Variants in TBC1D5 observed in about 807,000 individuals in gnomAD.
The protein encoded by TBC1D5 is TBC1 domain family, member 5.
Under a neutral mutation model 100.3 loss-of-function variants are expected in TBC1D5, and 75 were observed. That is an observed-to-expected ratio of 0.75 (90% confidence interval 0.62 to 0.91). The LOEUF is 0.91. TBC1D5 is among the 40% of genes least tolerant of loss of function. The probability of loss-of-function intolerance (pLI) is 0.00; values close to 1 mark genes in which losing one functional copy is unlikely to be tolerated. For synonymous variants in TBC1D5, 323 were observed against 325.6 expected, an observed-to-expected ratio of 0.99 and a Z score of 0.09; for missense variants, 910 against 942.4, an observed-to-expected ratio of 0.97 and a Z score of 0.45.
chr3:17,600,518 A>C (rs1391030465), intron 2 of TBC1D5, among the ~76,000 whole-genome samples: 1 of 152,194 alleles, frequency 6.6e-6, no homozygotes, highest in African/African-American at 2.4e-5. Flanking sequence ...CAAGATTATT[A>C]CTATGGTCTC....
intron 3 of TBC1D5, among the ~76,000 whole-genome samples, chr3:17,497,383 T>C (rs967722172): frequency 2.0e-5 from 3 of 152,272 alleles, no homozygotes; most frequent in Non-Finnish European, 2.9e-5. Flanking sequence ...GCAAGTGGTC[T>C]ACTTTTTCAA....
intron 7 of TBC1D5, 118 bp downstream of exon 7, chr3:17,404,576 T>A: frequency 2.3e-6 from 2 of 866,966 alleles, no homozygotes; most frequent in Non-Finnish European, 3.5e-6. Context: ...GTACTGTATG[T>A]GGAATAAAGA....
chr3:17,329,603 G>A (rs1433036376), intron 13 of TBC1D5, among the ~76,000 whole-genome samples: 1 of 152,172 alleles, frequency 6.6e-6, no homozygotes, highest in East Asian at 1.9e-4. Context: ...TGCAAAGTGA[G>A]TTACGAAGTA....
chr3:17,598,252 G>A (rs1576932389), intron 2 of TBC1D5, among the ~76,000 whole-genome samples: 1 of 152,232 alleles, frequency 6.6e-6, no homozygotes, highest in East Asian at 1.9e-4. Flanking sequence ...GTAGGCATAA[G>A]GCATGGGAGT....
chr3:17,566,820 A>T (rs1168362360), intron 2 of TBC1D5, among the ~76,000 whole-genome samples: 1 of 151,858 alleles, frequency 6.6e-6, no homozygotes, highest in Admixed American at 6.6e-5. Context: ...CTTTCTATTT[A>T]GTTGACATTT....
chr3:17,158,352 T>C (rs2065763472), exon 22 of TBC1D5: 1 of 152,164 alleles, frequency 6.6e-6, no homozygotes, highest in Non-Finnish European at 1.5e-5. Context: ...CAAAACACAA[T>C]ATATTCAGGA....
chr3:17,607,581 T>C (rs1008092036), intron 2 of TBC1D5, among the ~76,000 whole-genome samples: 8 of 150,450 alleles, frequency 5.3e-5, no homozygotes, highest in African/African-American at 2.0e-4. Context: ...CAGTTGCAAA[T>C]TCATAATGGG....
chr3:17,727,068 C>G (rs1413260149), intron 1 of TBC1D5, among the ~76,000 whole-genome samples: 1 of 152,098 alleles, frequency 6.6e-6, no homozygotes, highest in African/African-American at 2.4e-5. Flanking sequence ...CTGATTGTCC[C>G]CCCACTAGCA....
chr3:17,228,521 C>T (rs2075127133), intron 17 of TBC1D5, among the ~76,000 whole-genome samples: 1 of 152,114 alleles, frequency 6.6e-6, no homozygotes, highest in African/African-American at 2.4e-5. Context: ...TGGTAGGACA[C>T]TGGCTGCACT....
At chr3:17,504,163 T>C in intron 3 of TBC1D5, among the ~76,000 whole-genome samples, 1 of 298 alleles carries the variant, frequency 3.4e-3, no homozygotes. Flanking sequence ...ATTAAGCAAT[T>C]ATTAATTAAC....
chr3:17,616,142 T>C (rs2062134061), intron 2 of TBC1D5, among the ~76,000 whole-genome samples: 1 of 152,238 alleles, frequency 6.6e-6, no homozygotes, highest in South Asian at 2.1e-4. Context: ...CATTTCGTTA[T>C]TTACCCAGTA....
chr3:17,259,304 T>C (rs1407209927), intron 15 of TBC1D5, among the ~76,000 whole-genome samples: 3 of 152,200 alleles, frequency 2.0e-5, no homozygotes, highest in Non-Finnish European at 4.4e-5. Flanking sequence ...AATCATTAGG[T>C]CCACGGTGTC....
chr3:17,322,601 C>T (rs115545984), intron 13 of TBC1D5, among the ~76,000 whole-genome samples: 3,352 of 152,276 alleles, frequency 0.022, 120 homozygotes, highest in African/African-American at 0.075. Flanking sequence ...ATTGCTCTTA[C>T]TAAGTTTAAA....
intron 1 of TBC1D5, among the ~76,000 whole-genome samples, chr3:17,737,600 C>G (rs1295284096): frequency 2.6e-5 from 4 of 152,088 alleles, no homozygotes; most frequent in Admixed American, 2.0e-4. Context: ...GGATCTAATA[C>G]ATGCACTCAT....
At position 17,674,070 on chromosome 3, in the gene TBC1D5, T is replaced by C. The variant is rs548293696; in HGVS notation, c.-100-50157A>G. ...TAGTGAGTTAAGTTCTTTTCCATTT[T>C]CTTTGTTATGTGAGGTGTTAAACTT... On this transcript the variant is annotated intron_variant, in intron 1 of 21. Transcript: ENST00000253692. 1.8e-4 allele frequency among the ~76,000 whole-genome samples: 27 copies of C among 152,300 alleles called. 1 individual carries two copies. In the South Asian group the frequency reaches 5.6e-3, roughly 32 times the overall value.
intron 13 of TBC1D5, among the ~76,000 whole-genome samples, chr3:17,343,934 A>AT (rs1308793369): frequency 6.6e-5 from 10 of 151,812 alleles, no homozygotes; most frequent in Non-Finnish European, 4.4e-5. Flanking sequence ...GGATTCATTA[A>AT]TTTTTTGAAG....
chr3:17,538,397 A>T (rs546034906), intron 2 of TBC1D5, among the ~76,000 whole-genome samples: 7 of 152,278 alleles, frequency 4.6e-5, no homozygotes, highest in African/African-American at 1.7e-4. Flanking sequence ...AAACTCCTCA[A>T]GTGAACACGT....
intron 14 of TBC1D5, among the ~76,000 whole-genome samples, chr3:17,296,473 T>C (rs2082269457): frequency 6.6e-6 from 1 of 152,204 alleles, no homozygotes; most frequent in Non-Finnish European, 1.5e-5. Flanking sequence ...TTGACTTTCC[T>C]AAGTACAAAT....
chr3:17,619,261 A>C (rs1240019580), intron 2 of TBC1D5, among the ~76,000 whole-genome samples: 1 of 152,216 alleles, frequency 6.6e-6, no homozygotes, highest in African/African-American at 2.4e-5. Flanking sequence ...GAGTTAGACA[A>C]GTTGATACTG....
Sources: allele counts gnomAD v4.1 joint callset (sites outside exome capture counted in the v4.1 genomes callset), GRCh38; gene constraint gnomAD v4.1.1; transcripts MANE v1.5; gene names NCBI Gene and HGNC (gene_info 2026-07-23, HGNC 2026-07-21).